SHANK2: variants seen among roughly 807,000 people sequenced by gnomAD.
SHANK2 encodes the protein SH3 and multiple ankyrin repeat domains protein 2.
A neutral mutation model predicts 133.7 loss-of-function variants in SHANK2; 43 were observed. The ratio of observed to expected loss-of-function variants is 0.32; its 90% CI spans 0.25 to 0.41. The LOEUF is 0.41. Among genes scored for constraint, SHANK2 ranks in the 10% least tolerant of loss-of-function variants. The pLI, the probability that SHANK2 is intolerant of heterozygous loss-of-function variation, is 1.00. For missense variants in SHANK2, 1,994 were observed against 2,235.8 expected (o/e 0.89, Z 2.18); for synonymous variants, 1,017 against 952.8 (o/e 1.07, Z -1.24).
chr11:71,131,219 G>A (rs1219957318), intron 3 of SHANK2, among the ~76,000 whole-genome samples: 5 of 152,276 alleles, frequency 3.3e-5, no homozygotes, highest in South Asian at 4.1e-4. Context: ...TTCTTACTGC[G>A]GACAGAGGCC....
intron 2 of SHANK2, among the ~76,000 whole-genome samples, chr11:71,156,246 T>C (rs1277206329): frequency 2.0e-5 from 3 of 152,218 alleles, no homozygotes; most frequent in Non-Finnish European, 4.4e-5. Flanking sequence ...CCCAGGACCC[T>C]CCTGATAGGT....
intron 10 of SHANK2, among the ~76,000 whole-genome samples, chr11:70,904,728 G>C (rs782071877): frequency 1.3e-5 from 2 of 152,038 alleles, no homozygotes; most frequent in Non-Finnish European, 2.9e-5. Context: ...GGCTGGTCTC[G>C]AACTCCTGAC....
At chr11:70,482,970 C>T (rs1435688609) in intron 25 of SHANK2, among the ~76,000 whole-genome samples, 2 of 152,178 alleles carry the variant, frequency 1.3e-5, no homozygotes, top group Non-Finnish European at 2.9e-5. Flanking sequence ...TGTCCAGCTG[C>T]CACTCAGGGA....
At chr11:70,822,096 C>A (rs1948536539) in intron 11 of SHANK2, among the ~76,000 whole-genome samples, 1 of 152,232 alleles carries the variant, frequency 6.6e-6, no homozygotes, top group African/African-American at 2.4e-5. Flanking sequence ...GAAAGGCAGC[C>A]CTCCAAGCTC....
chr11:70,910,782 G>A (rs1316636060), intron 10 of SHANK2, among the ~76,000 whole-genome samples: 4 of 149,634 alleles, frequency 2.7e-5, no homozygotes, highest in Non-Finnish European at 5.9e-5. Context: ...ACTCCAGCCT[G>A]GGCAATAGAG....
At chr11:71,076,622 C>T (rs1052078558) in intron 8 of SHANK2, among the ~76,000 whole-genome samples, 108 of 152,310 alleles carry the variant, frequency 7.1e-4, no homozygotes, top group East Asian at 6.2e-3. Context: ...AAAGTAGATC[C>T]CTGTTGCAGG....
intron 17 of SHANK2, among the ~76,000 whole-genome samples, chr11:70,649,225 C>T (rs1018116924): frequency 6.6e-6 from 1 of 152,184 alleles, no homozygotes; most frequent in Non-Finnish European, 1.5e-5. Flanking sequence ...TCCATGACCC[C>T]CTAGGTCCTG....
intron 12 of SHANK2, among the ~76,000 whole-genome samples, chr11:70,816,959 G>C (rs1948411673): frequency 6.6e-6 from 1 of 152,196 alleles, no homozygotes; most frequent in Non-Finnish European, 1.5e-5. Context: ...CATGGGCCTG[G>C]GTAACTGCTC....
At chr11:70,716,694 G>C (rs1025802091) in intron 14 of SHANK2, among the ~76,000 whole-genome samples, 2 of 152,044 alleles carry the variant, frequency 1.3e-5, no homozygotes, top group African/African-American at 4.8e-5. Flanking sequence ...CACCAACACG[G>C]GGCACCCCCA....
At position 70,623,736 on chromosome 11, in the gene SHANK2, C is replaced by A. The variant is rs139291776; in HGVS notation, c.2061+36092G>T. Among the ~76,000 whole-genome samples, 350 of 152,350 alleles carry A rather than the reference C, an allele frequency of 2.3e-3. 2 individuals carry two copies. The highest frequency in any genetic ancestry group is 7.6e-3 in the African/African-American group (316 of 41,572). The stretch of plus-strand genomic sequence containing the variant: ...ATTAGCTCCTCAGCCACACTGGCTG[C>A]ATTTTGAGTGCTCAGTAGCTGTGTG... On this transcript the variant is annotated intron_variant, in intron 17 of 25. Transcript: ENST00000601538.
Position 70,473,347 on chromosome 11 carries a change from T to C in SHANK2, c.5072A>G (p.Gln1691Arg). 6.2e-7 allele frequency: 1 copy of C among 1,613,228 alleles called. No individual in the cohort carries two copies. The highest frequency in any genetic ancestry group is 8.5e-7 in the Non-Finnish European group (1 of 1,180,010). Residue 1691 changes from glutamine to arginine, a missense_variant, in exon 26 of 26, where the codon CAG (glutamine) becomes CGG (arginine). Around this residue, in one of 5 missense-constraint regions of SHANK2, gnomAD observed 797 missense variants for 907.4 expected, o/e 0.88. Coordinates refer to ENST00000601538, the MANE Select transcript of SHANK2 (RefSeq NM_012309.5). The surrounding 1 kb of genome is among the most constrained non-coding windows in gnomAD (Gnocchi z 5.9). The stretch of plus-strand genomic sequence containing the variant: ...GCTTTCATAGTCGGGGGGCCGGCTC[T>C]GCAGGGTGATGGGCTGGGAGGTGCC... ...RPGTSQPITL[Q>R]SRPPDYESRT...
At chr11:70,824,860 T>C (rs1022398883) in intron 11 of SHANK2, among the ~76,000 whole-genome samples, 4 of 152,132 alleles carry the variant, frequency 2.6e-5, no homozygotes, top group African/African-American at 9.7e-5. Context: ...GCCCACAGTC[T>C]CAGAGAGCGA....
intron 2 of SHANK2, among the ~76,000 whole-genome samples, chr11:71,224,387 T>C (rs1378247309): frequency 6.6e-6 from 1 of 152,180 alleles, no homozygotes; most frequent in Non-Finnish European, 1.5e-5. Flanking sequence ...TGGAAGCACC[T>C]GCACCACTCA....
chr11:70,892,448 A>G (rs1205975893), intron 11 of SHANK2, among the ~76,000 whole-genome samples: 1 of 152,074 alleles, frequency 6.6e-6, no homozygotes, highest in African/African-American at 2.4e-5. Context: ...TCCAGCCTCT[A>G]TGAAGCCTCC....
intron 11 of SHANK2, among the ~76,000 whole-genome samples, chr11:70,846,387 C>G (rs1339595103): frequency 6.6e-6 from 1 of 152,054 alleles, no homozygotes; most frequent in Non-Finnish European, 1.5e-5. Flanking sequence ...CCTCGGCCTC[C>G]CAAGTAGCTG....
In SHANK2 at chr11:70,830,130, C is replaced by T. The variant is rs1311806150; in HGVS notation, c.1175-9448G>A. On this transcript the variant is annotated intron_variant, in intron 11 of 25. Transcript: ENST00000601538. The surrounding 1 kb of genome is among the most constrained non-coding windows in gnomAD (Gnocchi z 4.4). ...AAGGCACAGACTCTGCCCCGACAAA[C>T]GCAAACCTTTGTGCAGCCTCCAGGG... is the stretch of plus-strand genomic sequence containing the variant. 5.3e-5 allele frequency among the ~76,000 whole-genome samples: 8 copies of T among 152,220 alleles called. No homozygotes were observed. The highest frequency in any genetic ancestry group is 1.3e-4 in the Admixed American group (2 of 15,288).
chr11:70,843,470 T>G (rs185228259), intron 11 of SHANK2, among the ~76,000 whole-genome samples: 2 of 151,912 alleles, frequency 1.3e-5, no homozygotes, highest in Non-Finnish European at 2.9e-5. Context: ...TGGGACTGCA[T>G]GTGAAGCAGA....
At chr11:71,187,554 A>G (rs1457159092) in intron 2 of SHANK2, among the ~76,000 whole-genome samples, 1 of 152,072 alleles carries the variant, frequency 6.6e-6, no homozygotes, top group Non-Finnish European at 1.5e-5. Context: ...TGTTTTATTC[A>G]GCACAGTTCA....
intron 8 of SHANK2, among the ~76,000 whole-genome samples, chr11:71,081,516 C>T (rs1290211429): frequency 9.2e-5 from 14 of 152,126 alleles, no homozygotes; most frequent in Non-Finnish European, 1.8e-4. Context: ...TTAAAGATGT[C>T]ACCTATGTCA....
Sources: gnomAD v4.1 joint callset for allele counts (sites outside exome capture counted in the v4.1 genomes callset) on GRCh38, gnomAD v4.1.1 for gene constraint, gnomAD v4.1.1 regional missense constraint, Gnocchi (gnomAD v3.1) non-coding constraint, MANE v1.5 for transcripts, NCBI Gene and HGNC (gene_info 2026-07-23, HGNC 2026-07-21) for gene names.